The following SH3BP4 variants were observed in gnomAD, a reference collection of about 807,000 sequenced individuals.
The protein encoded by SH3BP4 is SH3 domain-binding protein 4.
A neutral mutation model predicts 65.5 loss-of-function variants in SH3BP4; 33 were observed. The observed-to-expected ratio is 0.50, with a 90% CI of 0.38 to 0.67. The LOEUF (loss-of-function observed/expected upper bound fraction) is 0.67, where lower values mean the gene tolerates loss of function less well. SH3BP4 is among the 30% of genes least tolerant of loss of function. SH3BP4 has a pLI of 0.00. For synonymous variants in SH3BP4, 552 were observed against 545.5 expected (o/e 1.01, Z -0.17); for missense variants, 1,134 against 1,261.4 (o/e 0.90, Z 1.53).
intron 2 of SH3BP4, among the ~76,000 whole-genome samples, chr2:235,031,936 C>T (rs1354806353): frequency 2.6e-5 from 4 of 152,264 alleles, no homozygotes; most frequent in Non-Finnish European, 5.9e-5. Flanking sequence ...GGGAATGCCT[C>T]CCTCTTGTGC....
intron 1 of SH3BP4, among the ~76,000 whole-genome samples, chr2:234,988,131 C>T (rs866460717): frequency 3.3e-5 from 5 of 152,246 alleles, no homozygotes; most frequent in Middle Eastern, 3.4e-3. Context: ...GTAATCCCGC[C>T]TCACTGCATC....
chr2:235,007,109 A>T (rs1392448950), intron 2 of SH3BP4, among the ~76,000 whole-genome samples: 1 of 151,608 alleles, frequency 6.6e-6, no homozygotes, highest in African/African-American at 2.4e-5. Flanking sequence ...GTGAGCCCAC[A>T]CCTGTGAAAT....
At chr2:235,048,849 A>G (rs1574851788) in intron 4 of SH3BP4, among the ~76,000 whole-genome samples, 1 of 152,208 alleles carries the variant, frequency 6.6e-6, no homozygotes, top group East Asian at 1.9e-4. Context: ...TCACTGTAAC[A>G]AAATTCCAGT....
chr2:235,017,462 A>T (rs75348287), intron 2 of SH3BP4, among the ~76,000 whole-genome samples: 3 of 151,860 alleles, frequency 2.0e-5, no homozygotes, highest in Non-Finnish European at 2.9e-5. Context: ...AAAAAAAAAA[A>T]AGAAATCCTT....
At chr2:234,955,273 T>TTACACTCAG (rs1374817501) in intron 1 of SH3BP4, among the ~76,000 whole-genome samples, 1 of 152,096 alleles carries the variant, frequency 6.6e-6, no homozygotes, top group African/African-American at 2.4e-5. Flanking sequence ...CAAGCAACGT[T>TTACACTCAG]TACACTCAGC....
intron 1 of SH3BP4, among the ~76,000 whole-genome samples, chr2:234,960,643 G>A (rs1019617588): frequency 2.0e-5 from 3 of 152,100 alleles, no homozygotes; most frequent in Non-Finnish European, 2.9e-5. Flanking sequence ...GCAACTGTTT[G>A]GGGCCACGTG....
At chr2:235,005,198 G>A (rs764572661) in intron 2 of SH3BP4, among the ~76,000 whole-genome samples, 6 of 152,178 alleles carry the variant, frequency 3.9e-5, no homozygotes, top group Non-Finnish European at 7.4e-5. Flanking sequence ...AGCTTCCTGG[G>A]CATGCCCTGT....
intron 4 of SH3BP4, among the ~76,000 whole-genome samples, chr2:235,050,409 T>C (rs1472423883): frequency 6.6e-6 from 1 of 151,830 alleles, no homozygotes; most frequent in Non-Finnish European, 1.5e-5. Context: ...GAGCCACCGC[T>C]CCTGGCCTAG....
At chr2:234,961,668 A>G (rs1692718106) in intron 1 of SH3BP4, among the ~76,000 whole-genome samples, 1 of 152,140 alleles carries the variant, frequency 6.6e-6, no homozygotes, top group South Asian at 2.1e-4. Context: ...ATTCTTAGAT[A>G]CTGAGTTAAT....
intron 2 of SH3BP4, among the ~76,000 whole-genome samples, chr2:235,007,517 G>A (rs1488904476): frequency 1.3e-5 from 2 of 152,158 alleles, no homozygotes; most frequent in Non-Finnish European, 2.9e-5. Context: ...ATCGTGCAGT[G>A]CCCAGGACAG....
intron 3 of SH3BP4, among the ~76,000 whole-genome samples, chr2:235,038,535 T>C (rs1389727652): frequency 6.7e-6 from 1 of 149,480 alleles, no homozygotes; most frequent in African/African-American, 2.5e-5. Context: ...ATTACAGATA[T>C]ATAATTTCTT....
chr2:235,011,532 C>T (rs1694504839), intron 2 of SH3BP4, among the ~76,000 whole-genome samples: 1 of 152,204 alleles, frequency 6.6e-6, no homozygotes, highest in South Asian at 2.1e-4. Flanking sequence ...GACTCAGTTC[C>T]ACCCATAACA....
chr2:235,034,861 C>CT lies in SH3BP4; in HGVS notation c.-132-9dup, dbSNP rs1695322251. The stretch of plus-strand genomic sequence containing the variant: ...CTTAAGGGACTTTTTTGTTCCTCCT[C>CT]TACTTTCAGGAAGAAACATATTGCC... On this transcript the variant is annotated splice_polypyrimidine_tract_variant and intron_variant, in intron 2 of 5. Coordinates refer to ENST00000392011, the MANE Select transcript of SH3BP4 (RefSeq NM_014521.3). This position sits in a 1 kb window ranked among gnomAD's most constrained non-coding sequence, Gnocchi z 6.2. 1 of 656,936 alleles carries CT rather than the reference C, an allele frequency of 1.5e-6. No individual in the cohort carries two copies. The highest frequency in any genetic ancestry group is 2.6e-6 in the Non-Finnish European group (1 of 382,318). The allele number at this position is 656,936 out of a possible 1,614,324, so 40.7% of individuals were successfully genotyped here. A position where few individuals can be genotyped will look rare whatever the true frequency, so the allele number is the denominator to read the frequency against.
chr2:234,982,521 A>G (rs905863400), intron 1 of SH3BP4, among the ~76,000 whole-genome samples: 22 of 152,130 alleles, frequency 1.4e-4, no homozygotes, highest in Non-Finnish European at 1.3e-4. Context: ...GCAAAAAAAG[A>G]TGGTCAGAAA....
At position 235,035,126 on chromosome 2, in the gene SH3BP4, C is replaced by T; in HGVS notation, c.118+6C>T. The T allele has an allele frequency of 6.3e-7, 1 of 1,597,950 alleles. No individual in the cohort carries two copies. Among genetic ancestry groups the T allele is most frequent in the Non-Finnish European group, 8.6e-7 (1 of 1,165,218 alleles). ...GAGCTTTAATGACATCAAAGGTGAG[C>T]TTCTGGGGAACAGGACTGTGGCTAA... On this transcript the variant is annotated splice_donor_region_variant and intron_variant, in intron 3 of 5. Coordinates refer to ENST00000392011, the MANE Select transcript of SH3BP4 (RefSeq NM_014521.3). The surrounding 1 kb of genome is among the most constrained non-coding windows in gnomAD (Gnocchi z 5.0).
At position 235,054,733 on chromosome 2, in the gene SH3BP4, C is replaced by T. The variant is rs2106348330; in HGVS notation, c.*917C>T. On this transcript the variant is annotated 3_prime_UTR_variant, in exon 6 of 6. Coordinates refer to ENST00000392011, the MANE Select transcript of SH3BP4 (RefSeq NM_014521.3). ...CTTCCCATAGAGTTTGCTGCCTCTTCTGTGGACAGGAAGAAAACTTCATGA... is the reference window on the plus strand; with the variant it reads ...CTTCCCATAGAGTTTGCTGCCTCTTTTGTGGACAGGAAGAAAACTTCATGA... 1 of 152,322 alleles carries T rather than the reference C, an allele frequency of 6.6e-6. No homozygotes were observed. The highest frequency in any genetic ancestry group is 1.9e-4 in the East Asian group (1 of 5,180). 9.4% of individuals were successfully genotyped at this position (152,322 alleles called of 1,614,324 possible).
intron 1 of SH3BP4, among the ~76,000 whole-genome samples, chr2:234,972,111 G>A (rs1417504826): frequency 2.0e-5 from 3 of 149,468 alleles, no homozygotes; most frequent in African/African-American, 4.9e-5. Context: ...CACCGTGCCC[G>A]GCCTTTTTTT....
intron 2 of SH3BP4, among the ~76,000 whole-genome samples, chr2:235,011,836 G>C (rs1002272037): frequency 6.6e-6 from 1 of 152,192 alleles, no homozygotes; most frequent in African/African-American, 2.4e-5. Flanking sequence ...CATATACAAG[G>C]AGATGGATGG....
chr2:235,051,997 A>G (rs969885113), intron 4 of SH3BP4, among the ~76,000 whole-genome samples: 3 of 152,074 alleles, frequency 2.0e-5, no homozygotes, highest in Admixed American at 2.0e-4. Context: ...AACAACAGAC[A>G]CCTGTCCTGT....
Sources: allele counts gnomAD v4.1 joint callset (sites outside exome capture counted in the v4.1 genomes callset), GRCh38; gene constraint gnomAD v4.1.1; non-coding constraint Gnocchi (gnomAD v3.1); transcripts MANE v1.5; gene names NCBI Gene and HGNC (gene_info 2026-07-23, HGNC 2026-07-21).